The following DNAAF2 variants were observed in gnomAD, a reference collection of about 807,000 sequenced individuals.
DNAAF2 encodes the protein dynein axonemal assembly factor 2, also known as protein kintoun.
Under a neutral mutation model 48.8 loss-of-function variants are expected in DNAAF2, and 58 were observed. The ratio of observed to expected loss-of-function variants is 1.19; its 90% CI spans 0.96 to 1.48. The LOEUF is 1.48. DNAAF2 is among the 40% of genes most tolerant of loss of function. The probability of loss-of-function intolerance (pLI) is 0.00; values close to 1 mark genes in which losing one functional copy is unlikely to be tolerated. For missense variants in DNAAF2, 1,241 were observed against 1,116.1 expected, an observed-to-expected ratio of 1.11 and a Z score of -1.59; for synonymous variants, 567 against 481.2, an observed-to-expected ratio of 1.18 and a Z score of -2.33.
Position 49,625,701 on chromosome 14 carries a change from G to A in DNAAF2, c.2355C>T (p.His785=). Residue 785 remains histidine (H), a synonymous_variant, in exon 3 of 3, where the codon CAC becomes CAT. Transcript: ENST00000298292. ...ITEEKETDGD[H]LSSLLNKTTV... is the part of the protein sequence containing the mutation. ...TAGTTTTGTTCAGTAATGAAGATAG[G>A]TGATCTCCATCTGTTTCTTTCTCTT... The A allele has an allele frequency of 1.9e-6, 3 of 1,613,654 alleles. No homozygotes were observed. The highest frequency in any genetic ancestry group is 2.5e-6 in the Non-Finnish European group (3 of 1,179,730).
Position 49,634,367 on chromosome 14 carries a change from G to A in DNAAF2, c.783C>T (p.His261=), listed in dbSNP as rs549822765. The part of the protein sequence containing the change: ...TEPRYSVVQR[H]HVDLQDYRCS... ...AGCGGTAATCCTGGAGGTCCACGTG[G>A]TGGCGCTGCACCACGCTGTAGCGAG... is the stretch of plus-strand genomic sequence containing the variant. Residue 261 remains histidine, a synonymous_variant, in exon 1 of 3, where the codon CAC becomes CAT. Transcript: ENST00000298292. 2 of 1,607,384 alleles carry A rather than the reference G, an allele frequency of 1.2e-6. No homozygotes were observed. The highest frequency in any genetic ancestry group is 2.2e-5 in the East Asian group (1 of 44,702).
At position 49,634,914 on chromosome 14, in the gene DNAAF2, C is replaced by T. The variant is rs1883300368; in HGVS notation, c.236G>A (p.Arg79His). Reference sequence around the variant, plus strand: ...GCGCCGCGCCCCGTCCAGGCTGGTGCGCAGCACATGGCCGGGCTCCGGGTG... The same window carrying T: ...GCGCCGCGCCCCGTCCAGGCTGGTGTGCAGCACATGGCCGGGCTCCGGGTG... ...FVHPEPGHVLRTSLDGARRCF... is the reference protein window; with the variant it reads ...FVHPEPGHVLHTSLDGARRCF... Residue 79 changes from arginine (R) to histidine (H), a missense_variant, in exon 1 of 3, where the codon CGC (arginine) becomes CAC (histidine). By Grantham distance (29) the Arg-to-His change is conservative. Coordinates refer to ENST00000298292, the MANE Select transcript of DNAAF2 (RefSeq NM_018139.3). 2.6e-6 allele frequency: 4 copies of T among 1,552,074 alleles called. No homozygotes were observed. Among genetic ancestry groups the T allele is most frequent in the Non-Finnish European group, 3.5e-6 (4 of 1,147,760 alleles).
chr14:49,626,067 CAAATT>C lies in DNAAF2; in HGVS notation c.2008-24_2008-20del, dbSNP rs1882998515. 1.4e-6 allele frequency: 2 copies of C among 1,395,530 alleles called. No individual in the cohort carries two copies. Among genetic ancestry groups the C allele is most frequent in the Non-Finnish European group, 1.9e-6 (2 of 1,077,654 alleles). 86.4% of individuals were successfully genotyped at this position (1,395,530 alleles called of 1,614,324 possible). A position where few individuals can be genotyped will look rare whatever the true frequency, so the allele number is the denominator to read the frequency against. ...CTTGCAACTGTGTCAAGAGAAACAA[CAAATT>C]AATAATTATTTTAAATAATACAAAA... On this transcript the variant is annotated intron_variant, in intron 2 of 2. Coordinates refer to ENST00000298292, the MANE Select transcript of DNAAF2 (RefSeq NM_018139.3).
chr14:49,631,348 G>A (rs747357051), intron 1 of DNAAF2, among the ~76,000 whole-genome samples: 34 of 152,136 alleles, frequency 2.2e-4, no homozygotes, highest in African/African-American at 7.7e-4. Flanking sequence ...ATTTGCAGCC[G>A]GGCGCGGTGG....
intron 2 of DNAAF2, among the ~76,000 whole-genome samples, chr14:49,627,254 C>T (rs549562400): frequency 2.2e-4 from 33 of 152,120 alleles, no homozygotes; most frequent in Non-Finnish European, 4.7e-4. Context: ...TCTTGAATTC[C>T]TCTAATTTTT....
At position 49,625,359 on chromosome 14, in the gene DNAAF2, C is replaced by CA. The variant is rs879075266; in HGVS notation, c.*182dup. ...ATAAGGAAACTTTAAACTCCAGAGG[C>CA]AAAAAAAAAAAAATTATCTCCAATT... On this transcript the variant is annotated 3_prime_UTR_variant, in exon 3 of 3. Transcript: ENST00000298292. 0.04 allele frequency: 12,785 copies of CA among 321,960 alleles called. 84 individuals carry two copies. Among genetic ancestry groups the CA allele is most frequent in the African/African-American group, 0.065 (2,738 of 41,892 alleles). 19.9% of individuals were successfully genotyped at this position (321,960 alleles called of 1,614,324 possible). A position where few individuals can be genotyped will look rare whatever the true frequency, so the allele number is the denominator to read the frequency against.
At position 49,635,239 on chromosome 14, in the gene DNAAF2, A is replaced by G. The variant is rs1226326943; in HGVS notation, c.-90T>C. ...GCCTCAGAGTTTCTGGGCAGCGTAC[A>G]GTGACGCGGTGGAGGTCGGTAACGG... On this transcript the variant is annotated 5_prime_UTR_variant, in exon 1 of 3. Coordinates refer to ENST00000298292, the MANE Select transcript of DNAAF2 (RefSeq NM_018139.3). 7.2e-7 allele frequency: 1 copy of G among 1,389,618 alleles called. No individual in the cohort carries two copies. Among genetic ancestry groups the G allele is most frequent in the African/African-American group, 1.4e-5 (1 of 69,910 alleles). The allele number at this position is 1,389,618 out of a possible 1,614,324, so 86.1% of individuals were successfully genotyped here. A position where few individuals can be genotyped will look rare whatever the true frequency, so the allele number is the denominator to read the frequency against.
chr14:49,625,678 GT>G lies in DNAAF2; in HGVS notation c.2377del (p.Thr793LeufsTer12). On this transcript the variant is annotated frameshift_variant, in exon 3 of 3. Coordinates refer to ENST00000298292, the MANE Select transcript of DNAAF2 (RefSeq NM_018139.3). LOFTEE classifies it high-confidence loss of function. ...GAATCCAGGTATATTGTGAACCGTAGTTTTGTTCAGTAATGAAGATAGGTGA... is the reference window on the plus strand; with the variant it reads ...GAATCCAGGTATATTGTGAACCGTAGTTTGTTCAGTAATGAAGATAGGTGA... The part of the protein sequence containing the change: ...GDHLSSLLNK[T>X]TVHNIPGFDS... 2 of 1,613,688 alleles carry G rather than the reference GT, an allele frequency of 1.2e-6. No individual in the cohort carries two copies. Among genetic ancestry groups the G allele is most frequent in the Non-Finnish European group, 1.7e-6 (2 of 1,179,758 alleles).
rs1164578602 is a variant in DNAAF2 at position 49,633,386 on chromosome 14, G to A, written c.1764C>T (p.Ser588=). ...CTATCACTGCATTGTTTGAAGAAAT[G>A]CTAATCACAGGTTCTGTGGTACTCA... The part of the protein sequence containing the change: ...NKLSTTEPVI[S]ISSNNAVIEL... The change falls in exon 1 of 3, where the codon AGC becomes AGT. Residue 588 remains serine, a synonymous_variant. Coordinates refer to ENST00000298292, the MANE Select transcript of DNAAF2 (RefSeq NM_018139.3). The A allele has an allele frequency of 1.9e-6, 3 of 1,614,050 alleles. No individual in the cohort carries two copies. Among genetic ancestry groups the A allele is most frequent in the Middle Eastern group, 1.6e-4 (1 of 6,062 alleles).
chr14:49,630,719 C>T (rs1433622782), intron 1 of DNAAF2, among the ~76,000 whole-genome samples: 1 of 133,598 alleles, frequency 7.5e-6, no homozygotes, highest in Non-Finnish European at 1.6e-5. Flanking sequence ...TCTACACACA[C>T]ACACACACAC....
In DNAAF2 at chr14:49,635,095, C is replaced by T. The variant is rs775655756; in HGVS notation, c.55G>A (p.Glu19Lys). The T allele has an allele frequency of 6.3e-7, 1 of 1,580,896 alleles. No individual in the cohort carries two copies. Among genetic ancestry groups the T allele is most frequent in the South Asian group, 1.2e-5 (1 of 86,570 alleles). ...SLEDLDLSGEEVQRLTSAFQD... is the reference protein window; with the variant it reads ...SLEDLDLSGEKVQRLTSAFQD... ...AAGGCGGAGGTGAGCCGCTGGACCT[C>T]CTCTCCGCTCAGGTCCAAGTCCTCC... is the stretch of plus-strand genomic sequence containing the variant. The change falls in exon 1 of 3, where the codon GAG becomes AAG. Residue 19 changes from glutamate to lysine, a missense_variant. Transcript: ENST00000298292.
rs558130856 is a variant in DNAAF2, at chr14:49,634,070, G to T, written c.1080C>A (p.Ala360=). ...LPAARREPAV[A]VAAAAPEESA... ...ACTCTTCCGGCGCGGCGGCGGCGAC[G>T]GCGACAGCGGGCTCCCGGCGCGCGG... Residue 360 remains alanine (A), a synonymous_variant, in exon 1 of 3, where the codon GCC becomes GCA. Coordinates refer to ENST00000298292, the MANE Select transcript of DNAAF2 (RefSeq NM_018139.3). 1.3e-6 allele frequency: 2 copies of T among 1,530,470 alleles called. No individual in the cohort carries two copies. The highest frequency in any genetic ancestry group is 1.2e-5 in the South Asian group (1 of 82,476). 94.8% of individuals were successfully genotyped at this position (1,530,470 alleles called of 1,614,324 possible). A position where few individuals can be genotyped will look rare whatever the true frequency, so the allele number is the denominator to read the frequency against.
Position 49,633,703 on chromosome 14 carries a change from T to G in DNAAF2, c.1447A>C (p.Arg483=), listed in dbSNP as rs2139581315. 1 of 1,602,290 alleles carries G rather than the reference T, an allele frequency of 6.2e-7. No homozygotes were observed. The highest frequency in any genetic ancestry group is 8.5e-7 in the Non-Finnish European group (1 of 1,172,744). Residue 483 remains arginine, a synonymous_variant, in exon 1 of 3, where the codon AGA becomes CGA. Transcript: ENST00000298292. ...RSLAWGSSAG[R]ESARGDSSVE... ...CTGCTATCTCCGCGCGCACTCTCTC[T>G]TCCCGCAGAAGAACCCCACGCCAGG... is the stretch of plus-strand genomic sequence containing the variant.
At chr14:49,626,419 G>A (rs1396428952) in intron 2 of DNAAF2, among the ~76,000 whole-genome samples, 2 of 152,166 alleles carry the variant, frequency 1.3e-5, no homozygotes, top group African/African-American at 2.4e-5. Flanking sequence ...AACCCGGGAG[G>A]TGGAGGTTGC....
In DNAAF2 at chr14:49,628,197, A is replaced by T. The variant is rs767969189; in HGVS notation, c.1864-42T>A. On this transcript the variant is annotated intron_variant, in intron 1 of 2. Coordinates refer to ENST00000298292, the MANE Select transcript of DNAAF2 (RefSeq NM_018139.3). ...AAAAATATTCTGCCTAATAAGTCCCACTTGACAACAGTTGTATCTCAAAGC... is the reference window on the plus strand; with the variant it reads ...AAAAATATTCTGCCTAATAAGTCCCTCTTGACAACAGTTGTATCTCAAAGC... The T allele has an allele frequency of 3.5e-4, 513 of 1,476,210 alleles. 1 individual carries two copies. The highest frequency in any genetic ancestry group is 4.6e-4 in the Admixed American group (22 of 47,788). 91.4% of individuals were successfully genotyped at this position (1,476,210 alleles called of 1,614,324 possible).
chr14:49,633,165 C>T (rs1594607273), intron 1 of DNAAF2, 122 bp downstream of exon 1: 12 of 1,149,200 alleles, frequency 1.0e-5, no homozygotes, highest in Non-Finnish European at 1.5e-5. Flanking sequence ...CGTGATCCGC[C>T]CGCCTCGGCC....
At position 49,634,752 on chromosome 14, in the gene DNAAF2, C is replaced by T. The variant is rs1309894410; in HGVS notation, c.398G>A (p.Gly133Glu). ...YSLAPGREYA[G>E]RSSSRYMVYD... ...GACCATGTAGCGGCTGCTGCTGCGC[C>T]CCGCGTACTCGCGGCCGGGCGCCAG... The change falls in exon 1 of 3, where the codon GGG (glycine) becomes GAG (glutamate). Residue 133 changes from glycine (G) to glutamate (E), a missense_variant. Gly to Glu is a moderately conservative substitution (Grantham distance 98). Coordinates refer to ENST00000298292, the MANE Select transcript of DNAAF2 (RefSeq NM_018139.3). 3 of 1,600,928 alleles carry T rather than the reference C, an allele frequency of 1.9e-6. No individual in the cohort carries two copies. The South Asian group carries it at 3.3e-5, about 18-fold the overall frequency.
In DNAAF2 at chr14:49,633,231, A is replaced by G. The variant is rs576581952; in HGVS notation, c.1863+56T>C. 56 of 1,587,356 alleles carry G rather than the reference A, an allele frequency of 3.5e-5. No homozygotes were observed. In the South Asian group the frequency reaches 5.5e-4, roughly 16 times the overall value. On this transcript the variant is annotated intron_variant, in intron 1 of 2. Coordinates refer to ENST00000298292, the MANE Select transcript of DNAAF2 (RefSeq NM_018139.3). ...CACCGCGCCCGGCCGGTAATAGCAA[A>G]TTTTTAAAGTGAGATGGGATATTTC...
At chr14:49,628,288 C>G (rs1883062981) in intron 1 of DNAAF2, 133 bp from the exon 2 acceptor site, 10 of 772,392 alleles carry the variant, frequency 1.3e-5, no homozygotes, top group Non-Finnish European at 2.0e-5. Context: ...AATGTTATTC[C>G]TATGAGCTGT....
Sources: gnomAD v4.1 joint callset for allele counts (sites outside exome capture counted in the v4.1 genomes callset) on GRCh38, gnomAD v4.1.1 for gene constraint, MANE v1.5 for transcripts, NCBI Gene and HGNC (gene_info 2026-07-23, HGNC 2026-07-21) for gene names.